EBF3: variants seen among roughly 807,000 people sequenced by gnomAD.
EBF3 encodes the protein EBF transcription factor 3, also known as transcription factor COE3.
A neutral mutation model predicts 77.1 loss-of-function variants in EBF3; 18 were observed. The ratio of observed to expected loss-of-function variants is 0.23; its 90% confidence interval spans 0.16 to 0.35. EBF3 has a LOEUF of 0.35. Ranked by LOEUF, EBF3 falls within the 10% of genes least tolerant of loss-of-function variation. The probability of loss-of-function intolerance (pLI) is 1.00; values close to 1 mark genes in which losing one functional copy is unlikely to be tolerated. For missense variants in EBF3, 558 were observed against 860.0 expected (o/e 0.65, Z 4.39); for synonymous variants, 350 against 343.5 (o/e 1.02, Z -0.21).
chr10:129,926,674 A>G (rs545445), intron 6 of EBF3, among the ~76,000 whole-genome samples: 1,978 of 152,256 alleles, frequency 0.013, 49 homozygotes, highest in African/African-American at 0.044. Context: ...CTCACTACCC[A>G]AAAAAGGTGT....
At chr10:129,868,033 G>C (rs903554907) in intron 8 of EBF3, 121 bp from the exon 9 acceptor site, 1 of 1,355,024 alleles carries the variant, frequency 7.4e-7, no homozygotes, top group African/African-American at 1.5e-5. Context: ...TCCTCCAGGC[G>C]GCACGCAAAG....
At chr10:129,876,891 C>CAA (rs1852816515) in intron 7 of EBF3, among the ~76,000 whole-genome samples, 2 of 103,876 alleles carry the variant, frequency 1.9e-5, no homozygotes, top group Admixed American at 1.8e-4. Flanking sequence ...CTGAACCCCC[C>CAA]CCCCCCCCCC....
chr10:129,896,195 T>C (rs1224840460), intron 6 of EBF3, among the ~76,000 whole-genome samples: 4 of 152,106 alleles, frequency 2.6e-5, no homozygotes, highest in African/African-American at 9.7e-5. Flanking sequence ...TCCATCTGAG[T>C]TCCCATTTAG....
chr10:129,945,435 G>A (rs977287672), intron 6 of EBF3, among the ~76,000 whole-genome samples: 2 of 152,226 alleles, frequency 1.3e-5, no homozygotes, highest in Non-Finnish European at 2.9e-5. Context: ...CAAAGAAGGT[G>A]ATTGATCAGA....
intron 6 of EBF3, among the ~76,000 whole-genome samples, chr10:129,887,335 T>G (rs1233919582): frequency 6.6e-6 from 1 of 152,218 alleles, no homozygotes; most frequent in Non-Finnish European, 1.5e-5. Context: ...AATATATGGC[T>G]CTAAAGTGAG....
chr10:129,962,048 A>G, intron 4 of EBF3, 123 bp downstream of exon 4: 3 of 838,656 alleles, frequency 3.6e-6, no homozygotes, highest in Non-Finnish European at 5.9e-6. Context: ...TCTCATTAGC[A>G]TGTCAAGGAA....
chr10:129,874,783 T>C (rs1185869976), intron 7 of EBF3, among the ~76,000 whole-genome samples: 1 of 152,170 alleles, frequency 6.6e-6, no homozygotes, highest in Non-Finnish European at 1.5e-5. Context: ...ACACCTTCCC[T>C]GCAAGGCCCA....
chr10:129,958,837 G>T, intron 5 of EBF3, 97 bp downstream of exon 5: 1 of 1,424,968 alleles, frequency 7.0e-7, no homozygotes, highest in Non-Finnish European at 9.2e-7. Context: ...CCTTCCCGGA[G>T]CTGGGCGGGG....
chr10:129,859,013 T>C (rs1215276465), intron 10 of EBF3, among the ~76,000 whole-genome samples: 1 of 152,234 alleles, frequency 6.6e-6, no homozygotes, highest in Non-Finnish European at 1.5e-5. Flanking sequence ...CGCTCCGTAA[T>C]GACCCTTCGA....
intron 4 of EBF3, among the ~76,000 whole-genome samples, chr10:129,959,377 C>T (rs1258746280): frequency 1.3e-5 from 2 of 151,980 alleles, no homozygotes; most frequent in Non-Finnish European, 2.9e-5. Context: ...GCTCCCGGGC[C>T]CCTTCGGCAT....
chr10:129,836,598 TAAA>T lies in EBF3; in HGVS notation c.*1342_*1344del, dbSNP rs11390227. 2.0e-5 allele frequency: 3 copies of T among 147,080 alleles called. No homozygotes were observed. Among genetic ancestry groups the T allele is most frequent in the Non-Finnish European group, 4.5e-5 (3 of 66,846 alleles). The allele number at this position is 147,080 out of a possible 1,614,324, so 9.1% of individuals were successfully genotyped here. A position where few individuals can be genotyped will look rare whatever the true frequency, so the allele number is the denominator to read the frequency against. On this transcript the variant is annotated 3_prime_UTR_variant, in exon 17 of 17. Coordinates refer to ENST00000440978, the MANE Select transcript of EBF3 (RefSeq NM_001375380.1). ...CAATGAATTTGACTTTTCCTCAAAA[TAAA>T]AAAAAAAAGGATGGAAAGTCTAAAC... is the stretch of plus-strand genomic sequence containing the variant.
intron 6 of EBF3, among the ~76,000 whole-genome samples, chr10:129,899,267 G>A (rs540613625): frequency 6.6e-6 from 1 of 152,354 alleles, no homozygotes; most frequent in African/African-American, 2.4e-5. Flanking sequence ...CAAAAGCAGC[G>A]TGGTTAACTG....
Position 129,870,471 on chromosome 10 carries a change from C to A in EBF3, c.782-2559G>T, listed in dbSNP as rs904222387. 7.2e-5 allele frequency among the ~76,000 whole-genome samples: 11 copies of A among 152,070 alleles called. No individual in the cohort carries two copies. Among genetic ancestry groups the A allele is most frequent in the Admixed American group, 7.2e-4 (11 of 15,276 alleles). On this transcript the variant is annotated intron_variant, in intron 8 of 16. Transcript: ENST00000440978. This position sits in a 1 kb window ranked among gnomAD's most constrained non-coding sequence, Gnocchi z 4.4. Reference sequence around the variant, plus strand: ...ATCCCTGAAGACAGATCCTGGTCTGCAGCTTTCAGCGTGGCCCACCCTCCT... The same window carrying A: ...ATCCCTGAAGACAGATCCTGGTCTGAAGCTTTCAGCGTGGCCCACCCTCCT...
rs1472366721 is a variant in EBF3, at chr10:129,952,703, C to T, written c.554+4555G>A. On this transcript the variant is annotated intron_variant, in intron 6 of 16. Coordinates refer to ENST00000440978, the MANE Select transcript of EBF3 (RefSeq NM_001375380.1). This position sits in a 1 kb window ranked among gnomAD's most constrained non-coding sequence, Gnocchi z 4.7. ...TATCCTCCCCGCTTCTGAAAACAACCTGACAAGAAGATGTAAAGGGCTAGG... is the reference window on the plus strand; with the variant it reads ...TATCCTCCCCGCTTCTGAAAACAACTTGACAAGAAGATGTAAAGGGCTAGG... 6.6e-6 allele frequency among the ~76,000 whole-genome samples: 1 copy of T among 152,098 alleles called. No homozygotes were observed. Among genetic ancestry groups the T allele is most frequent in the Non-Finnish European group, 1.5e-5 (1 of 68,022 alleles).
intron 6 of EBF3, among the ~76,000 whole-genome samples, chr10:129,934,067 G>A (rs1857199398): frequency 6.6e-6 from 1 of 152,170 alleles, no homozygotes; most frequent in Admixed American, 6.5e-5. Context: ...GAGAAGCAAT[G>A]TCCCTGCTTC....
In EBF3 at chr10:129,916,416, C is replaced by T. The variant is rs12571565; in HGVS notation, c.555-38567G>A. On this transcript the variant is annotated intron_variant, in intron 6 of 16. Transcript: ENST00000440978. ...CAATGCCTAGGAAATGCTTGACCAG[C>T]CCCTGATCTGCCCTGGCATGTGGAC... Among the ~76,000 whole-genome samples, 252 of 152,370 alleles carry T rather than the reference C, an allele frequency of 1.7e-3. 2 individuals are homozygous for T. Among genetic ancestry groups the T allele is most frequent in the East Asian group, 0.012 (62 of 5,176 alleles).
At chr10:129,957,392 T>C in intron 5 of EBF3, 66 bp from the exon 6 acceptor site, 1 of 1,432,888 alleles carries the variant, frequency 7.0e-7, no homozygotes, top group Non-Finnish European at 9.5e-7. Context: ...ACTTGTATTT[T>C]TTTTTTTTTC....
intron 4 of EBF3, among the ~76,000 whole-genome samples, chr10:129,961,669 C>A (rs569907433): frequency 1.3e-5 from 2 of 152,096 alleles, no homozygotes; most frequent in Non-Finnish European, 2.9e-5. Flanking sequence ...TAGAGGAGAA[C>A]AAGGTGACTT....
In EBF3 at chr10:129,919,899, G is replaced by A. The variant is rs572471674; in HGVS notation, c.554+37359C>T. On this transcript the variant is annotated intron_variant, in intron 6 of 16. Transcript: ENST00000440978. ...GGGCACCTGTAGATGCCCCAGAGAT[G>A]CCGCTTAATCAATCAGACAGAACAG... Among the ~76,000 whole-genome samples, 10 of 152,296 alleles carry A rather than the reference G, an allele frequency of 6.6e-5. No homozygotes were observed. The East Asian group carries it at 1.4e-3, about 21-fold the overall frequency.
Sources: gnomAD v4.1 joint callset for allele counts (sites outside exome capture counted in the v4.1 genomes callset) on GRCh38, gnomAD v4.1.1 for gene constraint, Gnocchi (gnomAD v3.1) non-coding constraint, MANE v1.5 for transcripts, NCBI Gene and HGNC (gene_info 2026-07-23, HGNC 2026-07-21) for gene names.